ZNF804B: variants seen among roughly 807,000 people sequenced by gnomAD.
ZNF804B encodes the protein zinc finger 804B.
ZNF804B carries 80 observed loss-of-function variants against 101.4 expected under a neutral mutation model. That is an observed-to-expected ratio of 0.79 (90% CI 0.66 to 0.95). ZNF804B has a LOEUF of 0.95. ZNF804B is among the 40% of genes least tolerant of loss of function. The pLI, the probability that ZNF804B is intolerant of heterozygous loss-of-function variation, is 0.00. For missense variants in ZNF804B, 1,673 were observed against 1,561.9 expected (o/e 1.07, Z -1.20); for synonymous variants, 622 against 558.8 (o/e 1.11, Z -1.59).
chr7:88,989,025 T>A (rs1793805729), intron 1 of ZNF804B, among the ~76,000 whole-genome samples: 1 of 152,006 alleles, frequency 6.6e-6, no homozygotes, highest in Non-Finnish European at 1.5e-5. Context: ...TATTTATTAT[T>A]ATTATTATTA....
intron 1 of ZNF804B, among the ~76,000 whole-genome samples, chr7:89,102,634 G>A (rs150076129): frequency 2.6e-5 from 4 of 152,046 alleles, no homozygotes; most frequent in Admixed American, 2.0e-4. Context: ...TCTGTAGGTT[G>A]TCTGTTTATT....
At chr7:89,031,014 CT>C (rs1788823511) in intron 1 of ZNF804B, among the ~76,000 whole-genome samples, 1 of 141,054 alleles carries the variant, frequency 7.1e-6, no homozygotes, top group Admixed American at 7.3e-5. Flanking sequence ...ACACTGGGGC[CT>C]TTTGGGGGCT....
intron 2 of ZNF804B, among the ~76,000 whole-genome samples, chr7:89,302,790 C>T (rs979283670): frequency 4.6e-5 from 7 of 151,924 alleles, no homozygotes; most frequent in Non-Finnish European, 8.8e-5. Flanking sequence ...CCATTCCCTT[C>T]AAGCACTGTA....
intron 2 of ZNF804B, among the ~76,000 whole-genome samples, chr7:89,242,334 G>T (rs1341807816): frequency 1.3e-5 from 2 of 151,794 alleles, no homozygotes; most frequent in African/African-American, 4.8e-5. Flanking sequence ...CATCTCAATT[G>T]ATTTTGCTTT....
chr7:89,337,466 G>T lies in ZNF804B; in HGVS notation c.*434G>T, dbSNP rs1201924800. ...TTAGATAATAAAAGGTCAGTGAAAT[G>T]AAGCAATTATTTAAAGTAATTTATG... On this transcript the variant is annotated 3_prime_UTR_variant, in exon 4 of 4. Transcript: ENST00000333190. 6.6e-6 allele frequency among the ~76,000 whole-genome samples: 1 copy of T among 152,106 alleles called. No homozygotes were observed. Among genetic ancestry groups the T allele is most frequent in the African/African-American group, 2.4e-5 (1 of 41,438 alleles).
intron 1 of ZNF804B, among the ~76,000 whole-genome samples, chr7:88,977,253 T>C (rs1793628675): frequency 6.6e-6 from 1 of 151,106 alleles, no homozygotes; most frequent in Non-Finnish European, 1.5e-5. Flanking sequence ...ATACTGGCCT[T>C]GTAGAATGAG....
intron 2 of ZNF804B, among the ~76,000 whole-genome samples, chr7:89,303,675 CAT>C (rs374434261): frequency 3.3e-4 from 50 of 151,970 alleles, no homozygotes; most frequent in African/African-American, 1.1e-3. Flanking sequence ...TTATATCTGA[CAT>C]GTGAAAATCT....
At chr7:88,809,732 C>A (rs1481180615) in intron 1 of ZNF804B, among the ~76,000 whole-genome samples, 1 of 152,194 alleles carries the variant, frequency 6.6e-6, no homozygotes, top group Non-Finnish European at 1.5e-5. Flanking sequence ...ATTGATTTGT[C>A]TTCTCCCTTA....
intron 2 of ZNF804B, among the ~76,000 whole-genome samples, chr7:89,291,176 C>T (rs149437642): frequency 6.6e-6 from 1 of 152,180 alleles, no homozygotes; most frequent in East Asian, 1.9e-4. Flanking sequence ...ATGAAGAAGT[C>T]CAGACTGTGA....
intron 1 of ZNF804B, among the ~76,000 whole-genome samples, chr7:88,890,587 C>T (rs770494959): frequency 2.0e-5 from 3 of 152,112 alleles, no homozygotes; most frequent in Non-Finnish European, 2.9e-5. Flanking sequence ...TGGTAGATTT[C>T]TGTGCAGTTT....
At chr7:88,891,149 A>G (rs531716014) in intron 1 of ZNF804B, among the ~76,000 whole-genome samples, 12 of 152,170 alleles carry the variant, frequency 7.9e-5, no homozygotes. Context: ...ATATAGAAAC[A>G]TAATTGAGTT....
At chr7:89,016,613 G>T (rs1005227989) in intron 1 of ZNF804B, among the ~76,000 whole-genome samples, 1 of 149,888 alleles carries the variant, frequency 6.7e-6, no homozygotes, top group Admixed American at 6.6e-5. Flanking sequence ...CCCATTGCTT[G>T]TTTTTCTCAG....
At chr7:89,204,488 A>G (rs1271422115) in intron 1 of ZNF804B, among the ~76,000 whole-genome samples, 2 of 152,140 alleles carry the variant, frequency 1.3e-5, no homozygotes, top group Non-Finnish European at 2.9e-5. Flanking sequence ...TCCAATCATA[A>G]AGATTTTACC....
At chr7:89,031,661 G>GTTT (rs200361715) in intron 1 of ZNF804B, among the ~76,000 whole-genome samples, 297 of 143,556 alleles carry the variant, frequency 2.1e-3, no homozygotes, top group African/African-American at 7.4e-3. Flanking sequence ...TCTGGTTTTT[G>GTTT]TTTTTTTTTT....
Position 89,220,017 on chromosome 7 carries a change from G to GTA in ZNF804B, c.249+1725_249+1726dup, listed in dbSNP as rs1562920234. On this transcript the variant is annotated intron_variant, in intron 2 of 3. Coordinates refer to ENST00000333190, the MANE Select transcript of ZNF804B (RefSeq NM_181646.5). Reference sequence around the variant, plus strand: ...TATATGTATATGCACATATATGTGTGTATACATATATATACGCACATATAT... The same window carrying GTA: ...TATATGTATATGCACATATATGTGTGTATATACATATATATACGCACATATAT... 3.4e-4 allele frequency among the ~76,000 whole-genome samples: 43 copies of GTA among 124,784 alleles called. 3 individuals are homozygous for GTA. Among genetic ancestry groups the GTA allele is most frequent in the South Asian group, 4.9e-4 (2 of 4,088 alleles). 81.9% of individuals were successfully genotyped at this position (124,784 alleles called of 152,430 possible). A position where few individuals can be genotyped will look rare whatever the true frequency, so the allele number is the denominator to read the frequency against.
chr7:88,823,339 C>T (rs1392896520), intron 1 of ZNF804B, among the ~76,000 whole-genome samples: 1 of 152,122 alleles, frequency 6.6e-6, no homozygotes, highest in African/African-American at 2.4e-5. Context: ...TCCATGATGC[C>T]TCTTGCACAG....
intron 1 of ZNF804B, among the ~76,000 whole-genome samples, chr7:89,134,296 T>G (rs1037559238): frequency 6.6e-5 from 10 of 152,058 alleles, no homozygotes; most frequent in African/African-American, 2.4e-4. Flanking sequence ...ATGAAATTTT[T>G]AAGAAAAAAA....
intron 1 of ZNF804B, among the ~76,000 whole-genome samples, chr7:89,090,304 T>C (rs1342708142): frequency 6.6e-6 from 1 of 152,034 alleles, no homozygotes; most frequent in Non-Finnish European, 1.5e-5. Context: ...CAGCGAATTT[T>C]TGTGGCCTAA....
intron 1 of ZNF804B, among the ~76,000 whole-genome samples, chr7:89,012,420 A>G (rs1184245934): frequency 6.6e-6 from 1 of 152,072 alleles, no homozygotes; most frequent in Non-Finnish European, 1.5e-5. Context: ...TTTCTTTTCT[A>G]TTGCATCATT....
Sources: gnomAD v4.1 joint callset for allele counts (sites outside exome capture counted in the v4.1 genomes callset) on GRCh38, gnomAD v4.1.1 for gene constraint, MANE v1.5 for transcripts, NCBI Gene and HGNC (gene_info 2026-07-23, HGNC 2026-07-21) for gene names.